Variants in EIPR1 observed in about 807,000 individuals in gnomAD.
EIPR1 encodes EARP complex and GARP complex interacting protein 1.
A neutral mutation model predicts 48.1 loss-of-function variants in EIPR1; 25 were observed. The ratio of observed to expected loss-of-function variants is 0.52; its 90% CI spans 0.38 to 0.73. The LOEUF is 0.73. Among genes scored for constraint, EIPR1 ranks in the 30% least tolerant of loss-of-function variants. The pLI, the probability that EIPR1 is intolerant of heterozygous loss-of-function variation, is 0.00. For synonymous variants in EIPR1, 204 were observed against 201.9 expected, an observed-to-expected ratio of 1.01 and a Z score of -0.09; for missense variants, 415 against 506.2, an observed-to-expected ratio of 0.82 and a Z score of 1.73.
intron 3 of EIPR1, among the ~76,000 whole-genome samples, chr2:3,302,714 C>T (rs1170686344): frequency 2.6e-5 from 4 of 152,234 alleles, no homozygotes; most frequent in Non-Finnish European, 4.4e-5. Flanking sequence ...CTGGAACCCC[C>T]GCCACCTTGT....
At chr2:3,321,345 G>A (rs541475737) in intron 3 of EIPR1, among the ~76,000 whole-genome samples, 8 of 152,278 alleles carry the variant, frequency 5.3e-5, no homozygotes, top group African/African-American at 1.2e-4. Flanking sequence ...CACACAAGCC[G>A]GCATGCTTGA....
At chr2:3,197,718 T>A (rs889106263) in intron 5 of EIPR1, among the ~76,000 whole-genome samples, 3 of 152,240 alleles carry the variant, frequency 2.0e-5, no homozygotes, top group African/African-American at 7.2e-5. Context: ...TGAATTTCAA[T>A]GCACAGGATG....
Position 3,257,456 on chromosome 2 carries a change from C to T in EIPR1, c.260-1G>A. On this transcript the variant is annotated splice_acceptor_variant, in intron 3 of 8. Transcript: ENST00000382125. LOFTEE classifies it high-confidence loss of function. ...CATGTCAGGACTTTGCTGTCTGAAG[C>T]TGAGCAACAGAGCATAATGGATAAT... 6.2e-7 allele frequency: 1 copy of T among 1,614,086 alleles called. No homozygotes were observed. Among genetic ancestry groups the T allele is most frequent in the Non-Finnish European group, 8.5e-7 (1 of 1,179,964 alleles).
At chr2:3,254,048 G>A (rs1306162270) in intron 4 of EIPR1, among the ~76,000 whole-genome samples, 1 of 152,114 alleles carries the variant, frequency 6.6e-6, no homozygotes, top group East Asian at 1.9e-4. Flanking sequence ...ACATCTCCTG[G>A]AGCTGTTCTT....
intron 3 of EIPR1, among the ~76,000 whole-genome samples, chr2:3,335,555 T>C (rs1358019963): frequency 2.6e-5 from 4 of 152,130 alleles, no homozygotes; most frequent in Middle Eastern, 6.8e-3. Flanking sequence ...AAGCACAGCG[T>C]CTCCAGCCGG....
intron 3 of EIPR1, among the ~76,000 whole-genome samples, chr2:3,328,792 A>G (rs371630480): frequency 1.1e-3 from 78 of 72,026 alleles, no homozygotes; most frequent in Admixed American, 2.5e-3. Context: ...GGCACCAGCC[A>G]GGCTCCCCTG....
chr2:3,314,966 A>G (rs140045721), intron 3 of EIPR1, among the ~76,000 whole-genome samples: 23 of 151,830 alleles, frequency 1.5e-4, no homozygotes, highest in South Asian at 2.1e-4. Flanking sequence ...GTGTCCACAC[A>G]GCATCTTCTG....
intron 3 of EIPR1, among the ~76,000 whole-genome samples, chr2:3,336,909 G>A (rs868044956): frequency 8.4e-4 from 62 of 73,460 alleles, no homozygotes; most frequent in Non-Finnish European, 1.3e-3. Flanking sequence ...GAAAAGGGAA[G>A]GGAAGGGAAA....
intron 3 of EIPR1, among the ~76,000 whole-genome samples, chr2:3,261,171 G>A (rs1297234120): frequency 2.0e-5 from 3 of 152,084 alleles, no homozygotes; most frequent in Non-Finnish European, 4.4e-5. Flanking sequence ...CGAGACCAGA[G>A]TGCCGGCCAA....
At chr2:3,316,928 G>A (rs138495344) in intron 3 of EIPR1, among the ~76,000 whole-genome samples, 3 of 152,388 alleles carry the variant, frequency 2.0e-5, no homozygotes, top group East Asian at 1.9e-4. Flanking sequence ...AGAGTCAGAC[G>A]CACAGAAATA....
chr2:3,318,929 G>A (rs75927199), intron 3 of EIPR1: 10,137 of 471,494 alleles, frequency 0.021, 205 homozygotes, highest in Non-Finnish European at 0.023. Flanking sequence ...TGAGCTACAG[G>A]AAGAATGCCA....
chr2:3,338,539 G>C (rs1482649303), intron 2 of EIPR1, among the ~76,000 whole-genome samples: 2 of 152,304 alleles, frequency 1.3e-5, no homozygotes, highest in South Asian at 4.1e-4. Flanking sequence ...ACAGCTGCTG[G>C]GGAGGGCAGG....
chr2:3,242,477 G>A (rs1002880559), intron 4 of EIPR1, among the ~76,000 whole-genome samples: 1 of 144,176 alleles, frequency 6.9e-6, no homozygotes, highest in Non-Finnish European at 1.5e-5. Context: ...CACACCCACC[G>A]ATGGCTGGAA....
Position 3,197,059 on chromosome 2 carries a change from G to A in EIPR1, c.517-42C>T, listed in dbSNP as rs756828688. ...GTTTTCCAAAGGAAGAAGAAAAGAA[G>A]AAGAATGTGAAGTCTGTTCAGAAAA... On this transcript the variant is annotated intron_variant, in intron 5 of 8. Coordinates refer to ENST00000382125, the MANE Select transcript of EIPR1 (RefSeq NM_003310.5). 9.3e-6 allele frequency: 15 copies of A among 1,608,826 alleles called. No individual in the cohort carries two copies. In the African/African-American group the frequency reaches 1.9e-4, roughly 20 times the overall value.
intron 3 of EIPR1, chr2:3,274,326 G>C (rs1416167258): frequency 4.5e-6 from 7 of 1,550,406 alleles, no homozygotes; most frequent in Non-Finnish European, 6.1e-6. Context: ...CAAAGACAAA[G>C]ACAGAAACTT....
chr2:3,263,633 C>A (rs537712177), intron 3 of EIPR1, among the ~76,000 whole-genome samples: 12 of 152,150 alleles, frequency 7.9e-5, no homozygotes, highest in African/African-American at 2.2e-4. Flanking sequence ...CAGCACAGTG[C>A]GGCCAGCGCC....
intron 4 of EIPR1, among the ~76,000 whole-genome samples, chr2:3,222,543 G>C (rs896955325): frequency 2.6e-4 from 40 of 152,202 alleles, no homozygotes; most frequent in African/African-American, 9.4e-4. Context: ...AACTGGCTTC[G>C]AGTTCTCACA....
intron 4 of EIPR1, among the ~76,000 whole-genome samples, chr2:3,246,250 G>A (rs1341860557): frequency 1.3e-5 from 2 of 152,156 alleles, no homozygotes; most frequent in Non-Finnish European, 2.9e-5. Flanking sequence ...AAATGGGAAG[G>A]ATAGCTATCA....
intron 5 of EIPR1, among the ~76,000 whole-genome samples, chr2:3,202,684 A>G (rs934087448): frequency 1.1e-4 from 16 of 152,178 alleles, no homozygotes; most frequent in African/African-American, 3.6e-4. Context: ...TGAGCCCCCA[A>G]CAGAGCTATT....
Sources: gnomAD v4.1 joint callset for allele counts (sites outside exome capture counted in the v4.1 genomes callset) on GRCh38, gnomAD v4.1.1 for gene constraint, MANE v1.5 for transcripts, NCBI Gene and HGNC (gene_info 2026-07-23, HGNC 2026-07-21) for gene names.